DYNC1I1: variants seen among roughly 807,000 people sequenced by gnomAD.
DYNC1I1 encodes cytoplasmic dynein 1 intermediate chain 1.
Under a neutral mutation model 86.6 loss-of-function variants are expected in DYNC1I1, and 43 were observed. The observed-to-expected ratio is 0.50, with a 90% CI of 0.39 to 0.64. The LOEUF (loss-of-function observed/expected upper bound fraction) is 0.64. DYNC1I1 is among the 30% of genes least tolerant of loss of function. The pLI is 0.00. For missense variants in DYNC1I1, 604 were observed against 788.8 expected (o/e 0.77, Z 2.81); for synonymous variants, 262 against 283.7 (o/e 0.92, Z 0.77).
At chr7:95,861,615 CA>C (rs1337107323) in intron 5 of DYNC1I1, among the ~76,000 whole-genome samples, 1 of 78,412 alleles carries the variant, frequency 1.3e-5, no homozygotes, top group South Asian at 4.2e-4. Context: ...TCTCTTTTTG[CA>C]ATTTTTTTTT....
intron 4 of DYNC1I1, among the ~76,000 whole-genome samples, chr7:95,817,426 G>A (rs1273561187): frequency 6.6e-6 from 1 of 152,092 alleles, no homozygotes; most frequent in Non-Finnish European, 1.5e-5. Context: ...GTTGATATGA[G>A]TGATACACAA....
At chr7:96,109,061 A>T (rs1791264854) in intron 16 of DYNC1I1, among the ~76,000 whole-genome samples, 1 of 151,594 alleles carries the variant, frequency 6.6e-6, no homozygotes. Context: ...CAATCTGTAG[A>T]CTCTGTACTG....
Position 95,804,974 on chromosome 7 carries a change from T to G in DYNC1I1, c.108+137T>G, listed in dbSNP as rs117740906. On this transcript the variant is annotated intron_variant, in intron 2 of 16. Coordinates refer to ENST00000447467, the MANE Select transcript of DYNC1I1 (RefSeq NM_001135556.2). ...GAATAAAATGATTATCTTCCTATTC[T>G]GCATGGTAAAGTTGTTGCCCTCTGC... 4,699 of 1,384,072 alleles carry G rather than the reference T, an allele frequency of 3.4e-3. 90 individuals carry two copies. In the East Asian group the frequency reaches 0.036, roughly 11 times the overall value. 85.7% of individuals were successfully genotyped at this position (1,384,072 alleles called of 1,614,324 possible).
intron 1 of DYNC1I1, among the ~76,000 whole-genome samples, chr7:95,798,906 G>A (rs1794510566): frequency 6.6e-6 from 1 of 152,196 alleles, no homozygotes; most frequent in South Asian, 2.1e-4. Flanking sequence ...TTCGAGAAAA[G>A]CTGGACATTT....
intron 14 of DYNC1I1, among the ~76,000 whole-genome samples, chr7:96,048,548 G>T (rs1023263997): frequency 6.6e-6 from 1 of 152,156 alleles, no homozygotes; most frequent in Non-Finnish European, 1.5e-5. Context: ...CTGTGTTTTA[G>T]AAGCCTTCCA....
intron 14 of DYNC1I1, among the ~76,000 whole-genome samples, chr7:96,072,210 T>C (rs1443360050): frequency 6.6e-6 from 1 of 152,172 alleles, no homozygotes; most frequent in African/African-American, 2.4e-5. Context: ...GCTTCTCTGC[T>C]CTGTTTGAGT....
chr7:95,929,523 T>C (rs986209265), intron 6 of DYNC1I1, among the ~76,000 whole-genome samples: 2 of 152,158 alleles, frequency 1.3e-5, no homozygotes, highest in Non-Finnish European at 2.9e-5. Flanking sequence ...GCTGGGGTTG[T>C]TTGTTGTTGC....
At chr7:95,969,842 C>T (rs564623741) in intron 6 of DYNC1I1, among the ~76,000 whole-genome samples, 11 of 152,060 alleles carry the variant, frequency 7.2e-5, no homozygotes, top group South Asian at 2.1e-4. Context: ...GTGCTCTGTA[C>T]GATGAGAAAT....
intron 9 of DYNC1I1, among the ~76,000 whole-genome samples, 183 bp from the exon 10 acceptor site, chr7:95,995,765 A>G (rs1296788795): frequency 6.6e-6 from 1 of 152,214 alleles, no homozygotes; most frequent in Non-Finnish European, 1.5e-5. Context: ...AAGCGCATAC[A>G]GAGTGTTGGA....
intron 10 of DYNC1I1, among the ~76,000 whole-genome samples, chr7:96,003,494 C>A (rs765540720): frequency 6.6e-6 from 1 of 152,160 alleles, no homozygotes; most frequent in Non-Finnish European, 1.5e-5. Flanking sequence ...ATATGTATGA[C>A]CCAAGGACCC....
chr7:95,791,843 G>A (rs1230809739), intron 1 of DYNC1I1, among the ~76,000 whole-genome samples: 1 of 152,180 alleles, frequency 6.6e-6, no homozygotes, highest in Non-Finnish European at 1.5e-5. Context: ...AATGTTAGGA[G>A]TATGTGTTTG....
At chr7:96,081,269 TC>T (rs1790512152) in intron 16 of DYNC1I1, among the ~76,000 whole-genome samples, 1 of 151,876 alleles carries the variant, frequency 6.6e-6, no homozygotes, top group South Asian at 2.1e-4. Context: ...TATATACCTT[TC>T]TAGTATGTCT....
chr7:95,930,038 G>A (rs1791848938), intron 6 of DYNC1I1, among the ~76,000 whole-genome samples: 1 of 152,218 alleles, frequency 6.6e-6, no homozygotes, highest in African/African-American at 2.4e-5. Context: ...TAGAGAAGTA[G>A]CCCTGATTTC....
At chr7:95,883,197 T>A (rs1386989) in intron 6 of DYNC1I1, among the ~76,000 whole-genome samples, 149,083 of 152,290 alleles carry the variant, frequency 0.98, 73,042 homozygotes, top group Middle Eastern at 1. Context: ...ATTTATAAAT[T>A]TTACTTTTTA....
chr7:95,838,786 T>A (rs1446924949), intron 5 of DYNC1I1, among the ~76,000 whole-genome samples: 3 of 152,156 alleles, frequency 2.0e-5, no homozygotes, highest in Admixed American at 2.0e-4. Flanking sequence ...TCTGATGCTA[T>A]TATTAGTGGA....
chr7:96,026,731 C>T (rs1794691904), intron 10 of DYNC1I1, among the ~76,000 whole-genome samples: 1 of 152,158 alleles, frequency 6.6e-6, no homozygotes, highest in South Asian at 2.1e-4. Context: ...TGTTGCTTCT[C>T]TCCACTGTTT....
At chr7:96,069,447 A>C (rs2116216294) in intron 14 of DYNC1I1, among the ~76,000 whole-genome samples, 1 of 152,348 alleles carries the variant, frequency 6.6e-6, no homozygotes, top group East Asian at 1.9e-4. Flanking sequence ...TCAAATAAGC[A>C]AGAAGCCAGA....
chr7:95,935,855 A>C (rs979061040), intron 6 of DYNC1I1, among the ~76,000 whole-genome samples: 6 of 152,066 alleles, frequency 3.9e-5, no homozygotes, highest in Non-Finnish European at 7.4e-5. Flanking sequence ...ACATGCAAAC[A>C]TGTTCAATGT....
At chr7:96,027,964 C>T (rs879846506) in intron 10 of DYNC1I1, among the ~76,000 whole-genome samples, 2 of 152,178 alleles carry the variant, frequency 1.3e-5, no homozygotes, top group African/African-American at 4.8e-5. Flanking sequence ...AGATTTCAAG[C>T]AGTAACCATT....
Sources: allele counts gnomAD v4.1 joint callset (sites outside exome capture counted in the v4.1 genomes callset), GRCh38; gene constraint gnomAD v4.1.1; transcripts MANE v1.5; gene names NCBI Gene and HGNC (gene_info 2026-07-23, HGNC 2026-07-21).